EFCAB5: variants seen among roughly 807,000 people sequenced by gnomAD.
The protein encoded by EFCAB5 is EF-hand calcium binding domain 5, also known as EF-hand calcium-binding domain-containing protein 5.
Under a neutral mutation model 167.9 loss-of-function variants are expected in EFCAB5, and 131 were observed. The ratio of observed to expected loss-of-function variants is 0.78; its 90% confidence interval spans 0.68 to 0.90. EFCAB5 has a LOEUF of 0.90. EFCAB5 is among the 40% of genes least tolerant of loss of function. The probability of loss-of-function intolerance (pLI) is 0.00; values close to 1 mark genes in which losing one functional copy is unlikely to be tolerated. For missense variants in EFCAB5, 1,663 were observed against 1,745.2 expected (o/e 0.95, Z 0.84); for synonymous variants, 574 against 602.8 (o/e 0.95, Z 0.70).
At chr17:30,025,461 A>G (rs1376186163) in intron 7 of EFCAB5, among the ~76,000 whole-genome samples, 2 of 152,182 alleles carry the variant, frequency 1.3e-5, no homozygotes, top group Non-Finnish European at 2.9e-5. Context: ...AATCAAAACC[A>G]CAATGAGATA....
At position 29,943,625 on chromosome 17, in the gene EFCAB5, G is replaced by C; in HGVS notation, c.166G>C (p.Ala56Pro). The change falls in exon 3 of 23, where the codon GCA becomes CCA. Residue 56 changes from alanine (A) to proline (P), a missense_variant. By Grantham distance (27) the Ala-to-Pro change is conservative. Coordinates refer to ENST00000394835, the MANE Select transcript of EFCAB5 (RefSeq NM_198529.4). ...GGACACCAACAGTGTGGTGGAGAAA[G>C]CAATGGATGAAATCAAATCCCAAGG... ...KEDTNSVVEK[A>P]MDEIKSQELN... is the part of the protein sequence containing the mutation. 1 of 1,582,946 alleles carries C rather than the reference G, an allele frequency of 6.3e-7. No individual in the cohort carries two copies. The highest frequency in any genetic ancestry group is 8.6e-7 in the Non-Finnish European group (1 of 1,163,904).
intron 12 of EFCAB5, among the ~76,000 whole-genome samples, chr17:30,057,282 C>A (rs577336045): frequency 6.6e-6 from 1 of 152,254 alleles, no homozygotes; most frequent in African/African-American, 2.4e-5. Context: ...ACAAAAATGG[C>A]CATGAAAGCA....
intron 7 of EFCAB5, among the ~76,000 whole-genome samples, chr17:30,003,445 C>T (rs2068708807): frequency 1.3e-5 from 2 of 151,998 alleles, no homozygotes; most frequent in Non-Finnish European, 2.9e-5. Context: ...GTTGCCCAGG[C>T]TAGTCTGAAA....
chr17:29,942,451 T>C (rs995502945), intron 2 of EFCAB5, 149 bp downstream of exon 2: 9 of 657,632 alleles, frequency 1.4e-5, no homozygotes, highest in African/African-American at 1.3e-4. Context: ...ATTATTAAGC[T>C]GATTCATTTG....
At chr17:30,011,166 A>C (rs995457157) in intron 7 of EFCAB5, among the ~76,000 whole-genome samples, 2 of 151,940 alleles carry the variant, frequency 1.3e-5, no homozygotes, top group Admixed American at 6.6e-5. Context: ...TGGTCTATAT[A>C]TCTGTTTTGG....
At chr17:30,068,881 T>A in intron 14 of EFCAB5, 2 of 1,513,196 alleles carry the variant, frequency 1.3e-6, no homozygotes, top group Non-Finnish European at 9.2e-7. Flanking sequence ...CATGTCTGAA[T>A]ATGGGAGGAT....
intron 21 of EFCAB5, among the ~76,000 whole-genome samples, chr17:30,092,452 A>G (rs1438448991): frequency 1.3e-5 from 2 of 152,020 alleles, no homozygotes; most frequent in African/African-American, 4.8e-5. Context: ...CGATGGCGCT[A>G]TCTCGGCTCA....
At position 30,097,023 on chromosome 17, in the gene EFCAB5, TAC is replaced by T. The variant is rs1567777282; in HGVS notation, c.4321+4089_4321+4090del. Among the ~76,000 whole-genome samples, 108 of 119,714 alleles carry T rather than the reference TAC, an allele frequency of 9.0e-4. 1 individual carries two copies. The highest frequency in any genetic ancestry group is 4.0e-3 in the African/African-American group (102 of 25,722). 78.5% of individuals were successfully genotyped at this position (119,714 alleles called of 152,430 possible). On this transcript the variant is annotated intron_variant, in intron 22 of 22. Coordinates refer to ENST00000394835, the MANE Select transcript of EFCAB5 (RefSeq NM_198529.4). ...ATACATATACATATACATATACATATACATATACATATACATATACATATACA... is the reference window on the plus strand; with the variant it reads ...ATACATATACATATACATATACATATATATACATATACATATACATATACA...
In EFCAB5 at chr17:30,069,142, G is replaced by A. The variant is rs1597758799; in HGVS notation, c.2738-9073G>A. 8 of 1,542,266 alleles carry A rather than the reference G, an allele frequency of 5.2e-6. No homozygotes were observed. The East Asian group carries it at 1.4e-4, about 26-fold the overall frequency. Reference sequence around the variant, plus strand: ...GAAAAGAATATCTAAGCTGGAACCAGAACCAAATGCAAAGACAAGAGAATC... The same window carrying A: ...GAAAAGAATATCTAAGCTGGAACCAAAACCAAATGCAAAGACAAGAGAATC... On this transcript the variant is annotated intron_variant, in intron 14 of 22. Transcript: ENST00000394835.
intron 7 of EFCAB5, among the ~76,000 whole-genome samples, chr17:30,012,463 T>G (rs1329702246): frequency 6.6e-6 from 1 of 152,118 alleles, no homozygotes; most frequent in African/African-American, 2.4e-5. Flanking sequence ...AAGTTGTTTC[T>G]CTCTTTGTCT....
intron 14 of EFCAB5, chr17:30,069,053 T>TA (rs537851106): frequency 1.8e-5 from 25 of 1,410,830 alleles, no homozygotes; most frequent in Middle Eastern, 2.0e-4. Flanking sequence ...GAAGATTACT[T>TA]AAAAAAAGTG....
intron 14 of EFCAB5, among the ~76,000 whole-genome samples, chr17:30,070,528 A>G (rs2151818327): frequency 6.6e-6 from 1 of 152,322 alleles, no homozygotes; most frequent in East Asian, 1.9e-4. Flanking sequence ...CCAGAAAGAA[A>G]TCCATATATT....
chr17:30,073,060 TA>T (rs1487996217), intron 14 of EFCAB5: 2 of 637,264 alleles, frequency 3.1e-6, no homozygotes, highest in Admixed American at 5.0e-5. Flanking sequence ...GCCCAACCTT[TA>T]TTTTTTTTTT....
chr17:30,083,603 C>A (rs542130387), intron 18 of EFCAB5, among the ~76,000 whole-genome samples: 277 of 152,298 alleles, frequency 1.8e-3, no homozygotes, highest in Non-Finnish European at 3.3e-3. Flanking sequence ...TACAGGCATG[C>A]GCCACCACGC....
At chr17:30,096,358 T>G (rs986271527) in intron 22 of EFCAB5, among the ~76,000 whole-genome samples, 7 of 152,108 alleles carry the variant, frequency 4.6e-5, no homozygotes, top group African/African-American at 1.7e-4. Flanking sequence ...GCTACTTTGA[T>G]ATCTGATTAA....
chr17:29,973,601 C>G (rs534276571), intron 4 of EFCAB5, among the ~76,000 whole-genome samples: 1 of 147,752 alleles, frequency 6.8e-6, no homozygotes, highest in Non-Finnish European at 1.5e-5. Flanking sequence ...CCTCAGCCTC[C>G]TGAGTAGCTG....
At chr17:29,957,627 G>C (rs1240166332) in intron 3 of EFCAB5, among the ~76,000 whole-genome samples, 1 of 152,096 alleles carries the variant, frequency 6.6e-6, no homozygotes, top group African/African-American at 2.4e-5. Flanking sequence ...ATGACTTCCA[G>C]CTCCATCCAT....
chr17:30,046,184 TG>T (rs569758536), intron 8 of EFCAB5, among the ~76,000 whole-genome samples: 75 of 152,352 alleles, frequency 4.9e-4, no homozygotes, highest in African/African-American at 1.8e-3. Context: ...TTTATCTGAG[TG>T]GCAAACATTC....
chr17:30,081,817 T>C (rs747168848), intron 17 of EFCAB5, among the ~76,000 whole-genome samples: 1 of 152,216 alleles, frequency 6.6e-6, no homozygotes, highest in Admixed American at 6.5e-5. Flanking sequence ...GACACAAGAA[T>C]TATGTGAAGA....
Sources: gnomAD v4.1 joint callset for allele counts (sites outside exome capture counted in the v4.1 genomes callset) on GRCh38, gnomAD v4.1.1 for gene constraint, MANE v1.5 for transcripts, NCBI Gene and HGNC (gene_info 2026-07-23, HGNC 2026-07-21) for gene names.